The following PLCB4 variants were observed in gnomAD, a reference collection of about 807,000 sequenced individuals.
The protein encoded by PLCB4 is phospholipase C beta 4.
PLCB4 carries 77 observed loss-of-function variants against 178.8 expected under a neutral mutation model. The observed-to-expected ratio is 0.43, with a 90% CI of 0.36 to 0.52. The LOEUF (loss-of-function observed/expected upper bound fraction) is 0.52. Among genes scored for constraint, PLCB4 ranks in the 20% least tolerant of loss-of-function variants. The pLI is 0.00. For missense variants in PLCB4, 1,024 were observed against 1,453.4 expected, an observed-to-expected ratio of 0.70 and a Z score of 4.80; for synonymous variants, 496 against 490.8, an observed-to-expected ratio of 1.01 and a Z score of -0.14.
At chr20:9,153,689 A>G (rs1460823632) in intron 2 of PLCB4, among the ~76,000 whole-genome samples, 1 of 152,224 alleles carries the variant, frequency 6.6e-6, no homozygotes, top group Non-Finnish European at 1.5e-5. Flanking sequence ...CACAAGGGAA[A>G]GTCAAAGTGG....
intron 3 of PLCB4, among the ~76,000 whole-genome samples, chr20:9,240,882 C>T (rs1278104477): frequency 3.3e-5 from 5 of 152,098 alleles, no homozygotes; most frequent in South Asian, 2.1e-4. Context: ...TTAGGTAAAC[C>T]GTTGTCTGCT....
At chr20:9,107,815 C>T (rs1375040591) in intron 2 of PLCB4, among the ~76,000 whole-genome samples, 3 of 152,050 alleles carry the variant, frequency 2.0e-5, no homozygotes, top group Non-Finnish European at 2.9e-5. Flanking sequence ...TGAGGGAGCA[C>T]GTCCAGAAGA....
At chr20:9,421,522 C>A in intron 27 of PLCB4, 61 bp downstream of exon 27, 4 of 1,351,380 alleles carry the variant, frequency 3.0e-6, no homozygotes, top group Non-Finnish European at 4.2e-6. Flanking sequence ...TTTTAGTTCA[C>A]AGACGCTACA....
chr20:9,443,068 G>A (rs1050228760), intron 30 of PLCB4, among the ~76,000 whole-genome samples: 6 of 152,084 alleles, frequency 3.9e-5, no homozygotes, highest in Non-Finnish European at 7.4e-5. Context: ...TACAACTGTT[G>A]TTGCCATGAC....
At chr20:9,273,675 AGTGTGTGTGTGTGTGTGT>A (rs398035325) in intron 3 of PLCB4, among the ~76,000 whole-genome samples, 2,823 of 135,938 alleles carry the variant, frequency 0.021, 36 homozygotes, top group Non-Finnish European at 0.033. Context: ...TTATGGTTGC[AGTGTGTGTGTGTGTGTGT>A]GTGTGTGTGT....
rs557842002 is a variant in PLCB4, at chr20:9,125,927, G to A, written c.-79+29585G>A. Reference sequence around the variant, plus strand: ...AAGTTTACTTTGTTGGGGGAGACAGGCATTAACCTAAGGTCACTATGTGTC... The same window carrying A: ...AAGTTTACTTTGTTGGGGGAGACAGACATTAACCTAAGGTCACTATGTGTC... On this transcript the variant is annotated intron_variant, in intron 2 of 39. Transcript: ENST00000378473. 3.1e-4 allele frequency among the ~76,000 whole-genome samples: 47 copies of A among 152,204 alleles called. No individual in the cohort carries two copies. The East Asian group carries it at 8.5e-3, about 28-fold the overall frequency.
At chr20:9,230,862 AG>A (rs1482282187) in intron 3 of PLCB4, among the ~76,000 whole-genome samples, 1 of 152,170 alleles carries the variant, frequency 6.6e-6, no homozygotes, top group Non-Finnish European at 1.5e-5. Flanking sequence ...CTATTGGCCA[AG>A]GCAAGTCACA....
intron 3 of PLCB4, among the ~76,000 whole-genome samples, chr20:9,294,786 G>A (rs529276825): frequency 1.2e-4 from 18 of 152,188 alleles, no homozygotes; most frequent in Admixed American, 5.2e-4. Flanking sequence ...GTCTGGATGG[G>A]GGTTGAGATT....
intron 12 of PLCB4, among the ~76,000 whole-genome samples, chr20:9,378,945 C>T (rs1278731806): frequency 6.6e-6 from 1 of 152,138 alleles, no homozygotes; most frequent in Non-Finnish European, 1.5e-5. Context: ...GAACTTTTAA[C>T]AGTTGCTTTT....
chr20:9,362,844 A>G, intron 7 of PLCB4, 52 bp from the exon 8 acceptor site: 4 of 1,175,482 alleles, frequency 3.4e-6, no homozygotes, highest in South Asian at 2.5e-5. Flanking sequence ...AAACTGCTCT[A>G]TTTGACTCCA....
intron 7 of PLCB4, among the ~76,000 whole-genome samples, chr20:9,341,823 A>T (rs2033239019): frequency 6.6e-6 from 1 of 152,174 alleles, no homozygotes; most frequent in Non-Finnish European, 1.5e-5. Flanking sequence ...TTGAAATTTA[A>T]GAGCAGCTAG....
At chr20:9,339,216 T>TC (rs1373560040) in intron 7 of PLCB4, among the ~76,000 whole-genome samples, 179 bp downstream of exon 7, 25 of 152,298 alleles carry the variant, frequency 1.6e-4, no homozygotes, top group African/African-American at 4.8e-4. Flanking sequence ...AGCATGTCAC[T>TC]CCTGTGGGCC....
intron 2 of PLCB4, among the ~76,000 whole-genome samples, chr20:9,173,422 T>C (rs2093098764): frequency 6.6e-6 from 1 of 152,200 alleles, no homozygotes; most frequent in Non-Finnish European, 1.5e-5. Flanking sequence ...CCACCCAGCA[T>C]CCCAAGACAT....
At chr20:9,215,444 A>G (rs2147263020) in intron 2 of PLCB4, among the ~76,000 whole-genome samples, 1 of 152,234 alleles carries the variant, frequency 6.6e-6, no homozygotes, top group Non-Finnish European at 1.5e-5. Flanking sequence ...GAGAGTACAT[A>G]CATTTTTGAG....
rs893517116 is a variant in PLCB4 at position 9,190,024 on chromosome 20, G to A, written c.-78-27366G>A. The stretch of plus-strand genomic sequence containing the variant: ...TCTCCAGACATTGGCAAATGTCCTC[G>A]GAGGCACAAACTCACATTTGGTTGA... On this transcript the variant is annotated intron_variant, in intron 2 of 39. Transcript: ENST00000378473. Among the ~76,000 whole-genome samples, 9 of 152,186 alleles carry A rather than the reference G, an allele frequency of 5.9e-5. 1 individual carries two copies. The South Asian group carries it at 8.3e-4, about 14-fold the overall frequency.
intron 19 of PLCB4, among the ~76,000 whole-genome samples, chr20:9,397,306 C>T (rs975478448): frequency 3.3e-5 from 5 of 152,202 alleles, no homozygotes; most frequent in African/African-American, 9.6e-5. Flanking sequence ...GTTCAGGCTC[C>T]TTTTCAAATT....
At position 9,419,893 on chromosome 20, in the gene PLCB4, C is replaced by A. The variant is rs2040505082; in HGVS notation, c.2138C>A (p.Ala713Asp). 6.2e-7 allele frequency: 1 copy of A among 1,611,072 alleles called. No homozygotes were observed. Among genetic ancestry groups the A allele is most frequent in the African/African-American group, 1.3e-5 (1 of 74,848 alleles). The change falls in exon 26 of 40, where the codon GCC becomes GAC. Residue 713 changes from alanine (A) to aspartate (D), a missense_variant. Transcript: ENST00000378473. Reference protein sequence around the residue: ...SETPVDGVIAATCSVQVISGQ... With the variant: ...SETPVDGVIADTCSVQVISGQ... ...ACTCCTGTTGATGGTGTTATTGCAG[C>A]CACTTGCTCAGTGCAGGTAAGGCCC...
At chr20:9,225,680 TG>T (rs2093855465) in intron 3 of PLCB4, among the ~76,000 whole-genome samples, 1 of 152,186 alleles carries the variant, frequency 6.6e-6, no homozygotes, top group African/African-American at 2.4e-5. Context: ...CATGTTAAAT[TG>T]GGCATTCTGA....
intron 4 of PLCB4, among the ~76,000 whole-genome samples, chr20:9,316,849 C>T (rs987180477): frequency 1.3e-5 from 2 of 152,170 alleles, no homozygotes; most frequent in Non-Finnish European, 2.9e-5. Context: ...CTAGACCAGC[C>T]TTTGAAATAA....
Sources: allele counts gnomAD v4.1 joint callset (sites outside exome capture counted in the v4.1 genomes callset), GRCh38; gene constraint gnomAD v4.1.1; transcripts MANE v1.5; gene names NCBI Gene and HGNC (gene_info 2026-07-23, HGNC 2026-07-21).